Variants in CDH18 observed in about 807,000 individuals in gnomAD.
CDH18 encodes cadherin 18, also known as cadherin-18.
In CDH18, 31 loss-of-function variants were observed where a neutral mutation model predicts 67.9. The observed-to-expected ratio is 0.46, with a 90% CI of 0.34 to 0.62. CDH18 has a LOEUF of 0.62. Among genes scored for constraint, CDH18 ranks in the 20% least tolerant of loss-of-function variants. The pLI, the probability that CDH18 is intolerant of heterozygous loss-of-function variation, is 0.01. For synonymous variants in CDH18, 362 were observed against 347.2 expected (o/e 1.04, Z -0.48); for missense variants, 890 against 975.5 (o/e 0.91, Z 1.17).
Position 20,083,149 on chromosome 5 carries a change from A to G in CDH18, c.-517-91135T>C, listed in dbSNP as rs80147435. On this transcript the variant is annotated intron_variant, in intron 2 of 14. Coordinates refer to the CDH18 transcript ENST00000507958. ...ATAGCACACAGTACTGAAAGAATTG[A>G]GGATGAGTGATAAATGGGCACTTAG... Among the ~76,000 whole-genome samples the G allele has an allele frequency of 3.1e-3, 478 of 152,300 alleles. 1 individual carries two copies. Among genetic ancestry groups the G allele is most frequent in the Non-Finnish European group, 4.4e-3 (301 of 68,022 alleles).
intron 3 of CDH18, among the ~76,000 whole-genome samples, chr5:19,773,361 A>G (rs1226875882): frequency 6.6e-6 from 1 of 152,210 alleles, no homozygotes; most frequent in African/African-American, 2.4e-5. Flanking sequence ...TAATCTAAAA[A>G]TAGAGATGAA....
chr5:20,118,891 A>G (rs1243239835), intron 2 of CDH18, among the ~76,000 whole-genome samples: 3 of 152,190 alleles, frequency 2.0e-5, no homozygotes, highest in East Asian at 3.8e-4. Flanking sequence ...ATTGTGTTGT[A>G]TTCATAATTT....
intron 2 of CDH18, among the ~76,000 whole-genome samples, chr5:20,057,417 A>AATTATT (rs1256477810): frequency 1.3e-5 from 2 of 152,182 alleles, no homozygotes; most frequent in African/African-American, 2.4e-5. Context: ...GTTGTACTGA[A>AATTATT]ATTATTAATT....
intron 10 of CDH18, among the ~76,000 whole-genome samples, chr5:19,518,349 T>C (rs969114714): frequency 1.3e-5 from 2 of 152,194 alleles, no homozygotes; most frequent in Admixed American, 6.6e-5. Context: ...TGTAACAAAA[T>C]GCTACCTAAA....
intron 2 of CDH18, among the ~76,000 whole-genome samples, chr5:20,245,573 G>A (rs901360339): frequency 2.6e-5 from 4 of 151,990 alleles, no homozygotes; most frequent in Non-Finnish European, 5.9e-5. Context: ...CAGATTTTGA[G>A]AACAATCAAA....
chr5:20,145,537 T>C (rs746675827), intron 2 of CDH18, among the ~76,000 whole-genome samples: 3 of 152,202 alleles, frequency 2.0e-5, no homozygotes, highest in Non-Finnish European at 4.4e-5. Context: ...TTTGCTTCAC[T>C]CAAGGTGTGC....
rs1299817218 is a variant in CDH18, at chr5:19,571,571, T to C, written c.1253+8A>G. The C allele has an allele frequency of 1.2e-6, 2 of 1,613,532 alleles. No individual in the cohort carries two copies. The highest frequency in any genetic ancestry group is 2.2e-5 in the South Asian group (2 of 91,058). On this transcript the variant is annotated splice_region_variant and intron_variant, in intron 8 of 12. Coordinates refer to ENST00000382275, the MANE Select transcript of CDH18 (RefSeq NM_004934.5). ...TTTCTATGTCTAAACGATTGAAGCATGCCATACCTTACTAAGCTGTTAGTA... is the reference window on the plus strand; with the variant it reads ...TTTCTATGTCTAAACGATTGAAGCACGCCATACCTTACTAAGCTGTTAGTA...
At chr5:20,249,482 A>G (rs1743651571) in intron 2 of CDH18, among the ~76,000 whole-genome samples, 1 of 148,044 alleles carries the variant, frequency 6.8e-6, no homozygotes, top group African/African-American at 2.5e-5. Context: ...TTCCGGGTTC[A>G]CGCCATTCTC....
rs115114041 is a variant in CDH18 at position 20,267,969 on chromosome 5, A to T, written c.-579-12464T>A. ...TCCTTCCCTCTTCCCACTCTCTAGT[A>T]GTCCCCAGTGTTTATCTTTCCCATC... On this transcript the variant is annotated intron_variant, in intron 1 of 14. Coordinates refer to the CDH18 transcript ENST00000507958. 8.8e-3 allele frequency among the ~76,000 whole-genome samples: 1,339 copies of T among 152,272 alleles called. 23 individuals carry two copies. Among genetic ancestry groups the T allele is most frequent in the African/African-American group, 0.03 (1,230 of 41,542 alleles).
chr5:20,009,159 T>C (rs1737183218), intron 2 of CDH18, among the ~76,000 whole-genome samples: 1 of 152,150 alleles, frequency 6.6e-6, no homozygotes, highest in African/African-American at 2.4e-5. Flanking sequence ...ATCCAGCAAA[T>C]ACACTTCAGT....
intron 1 of CDH18, among the ~76,000 whole-genome samples, chr5:20,348,186 C>T (rs1240015142): frequency 1.3e-5 from 2 of 152,182 alleles, no homozygotes; most frequent in African/African-American, 4.8e-5. Context: ...CTTTATCCCA[C>T]ATCTAATCTT....
chr5:19,697,686 T>A (rs900899662), intron 5 of CDH18, among the ~76,000 whole-genome samples: 1 of 152,216 alleles, frequency 6.6e-6, no homozygotes, highest in African/African-American at 2.4e-5. Context: ...GTTTAATATT[T>A]CTGGAATAAG....
chr5:20,197,629 A>C (rs1410888602), intron 2 of CDH18, among the ~76,000 whole-genome samples: 1 of 152,136 alleles, frequency 6.6e-6, no homozygotes, highest in Non-Finnish European at 1.5e-5. Context: ...CAATCTTGCT[A>C]TTTGCTGTTG....
At chr5:19,656,857 CCT>C (rs1268651927) in intron 5 of CDH18, among the ~76,000 whole-genome samples, 1 of 150,274 alleles carries the variant, frequency 6.7e-6, no homozygotes, top group African/African-American at 2.4e-5. Flanking sequence ...TTACTCTCTC[CCT>C]CTCTCTCTCT....
chr5:20,049,079 G>A (rs1415481002), intron 2 of CDH18, among the ~76,000 whole-genome samples: 1 of 151,650 alleles, frequency 6.6e-6, no homozygotes. Context: ...TGTAGTATAA[G>A]CTGGTAATCA....
At chr5:19,968,070 A>C (rs1797641173) in intron 2 of CDH18, among the ~76,000 whole-genome samples, 1 of 151,158 alleles carries the variant, frequency 6.6e-6, no homozygotes, top group South Asian at 2.1e-4. Context: ...GAGCCAATTC[A>C]TGAGTGAACT....
At chr5:20,016,559 C>A (rs1737899523) in intron 2 of CDH18, among the ~76,000 whole-genome samples, 1 of 152,144 alleles carries the variant, frequency 6.6e-6, no homozygotes, top group Admixed American at 6.5e-5. Flanking sequence ...CTGAGATTCT[C>A]TGAAAAATTT....
At chr5:20,229,795 G>A (rs1429485456) in intron 2 of CDH18, among the ~76,000 whole-genome samples, 1 of 151,930 alleles carries the variant, frequency 6.6e-6, no homozygotes, top group East Asian at 1.9e-4. Flanking sequence ...TCTGGGCAAA[G>A]AGCCCAGATT....
intron 4 of CDH18, among the ~76,000 whole-genome samples, chr5:19,732,335 T>A (rs140103743): frequency 6.6e-6 from 1 of 151,936 alleles, no homozygotes; most frequent in African/African-American, 2.4e-5. Flanking sequence ...ACACCTGTAG[T>A]CCCAGTTAAT....
Sources: allele counts gnomAD v4.1 joint callset (sites outside exome capture counted in the v4.1 genomes callset), GRCh38; gene constraint gnomAD v4.1.1; transcripts MANE v1.5; gene names NCBI Gene and HGNC (gene_info 2026-07-23, HGNC 2026-07-21).